Variants in INPP5D observed in about 807,000 individuals in gnomAD.
INPP5D encodes inositol polyphosphate-5-phosphatase D, also known as phosphatidylinositol 3,4,5-trisphosphate 5-phosphatase 1.
In INPP5D, 33 loss-of-function variants were observed where a neutral mutation model predicts 122.9. That is an observed-to-expected ratio of 0.27 (90% confidence interval 0.20 to 0.36). The LOEUF (loss-of-function observed/expected upper bound fraction) is 0.36, where lower values mean the gene tolerates loss of function less well. INPP5D is among the 10% of genes least tolerant of loss of function. INPP5D has a pLI of 1.00. For synonymous variants in INPP5D, 584 were observed against 576.2 expected (o/e 1.01, Z -0.19); for missense variants, 1,053 against 1,412.7 (o/e 0.75, Z 4.08).
At chr2:233,157,229 T>C (rs1332354472) in intron 9 of INPP5D, among the ~76,000 whole-genome samples, 1 of 151,938 alleles carries the variant, frequency 6.6e-6, no homozygotes, top group Admixed American at 6.5e-5. Flanking sequence ...GTCCAAGAAA[T>C]GGGATTTAAT....
chr2:233,124,245 A>G (rs1693085187), intron 3 of INPP5D, among the ~76,000 whole-genome samples: 1 of 152,016 alleles, frequency 6.6e-6, no homozygotes, highest in South Asian at 2.1e-4. Context: ...CTCTCCCCGA[A>G]GAGAGGAGAG....
Position 233,100,275 on chromosome 2 carries a change from A to G in INPP5D, c.198+20877A>G, listed in dbSNP as rs57371118. On this transcript the variant is annotated intron_variant, in intron 2 of 26. Coordinates refer to ENST00000445964, the MANE Select transcript of INPP5D (RefSeq NM_001017915.3). The surrounding 1 kb of genome is among the most constrained non-coding windows in gnomAD (Gnocchi z 5.3). ...CTGCTGTAGGCCACTGAGCTATGAT[A>G]TTCATCAGACGCAACTAATTACCCA... 0.1 allele frequency among the ~76,000 whole-genome samples: 15,605 copies of G among 152,118 alleles called. 1,549 individuals are homozygous for G. The highest frequency in any genetic ancestry group is 0.26 in the African/African-American group (10,746 of 41,444).
chr2:233,095,475 C>T lies in INPP5D; in HGVS notation c.198+16077C>T, dbSNP rs1450949701. 8.7e-4 allele frequency among the ~76,000 whole-genome samples: 133 copies of T among 152,036 alleles called. 3 individuals carry two copies. The highest frequency in any genetic ancestry group is 7.4e-5 in the Non-Finnish European group (5 of 67,966). ...TCTCTACTAAAAATACAAAAATTAG[C>T]TGGAGGGGGTGGTGGTGGGCACCTG... On this transcript the variant is annotated intron_variant, in intron 2 of 26. Transcript: ENST00000445964.
In INPP5D at chr2:233,177,424, T is replaced by A. The variant is rs72972242; in HGVS notation, c.2071+78T>A. 0.031 allele frequency: 50,597 copies of A among 1,608,620 alleles called. 983 individuals carry two copies. The highest frequency in any genetic ancestry group is 0.068 in the African/African-American group (5,108 of 74,824). ...TGGGAGGTGTGACTGCCCTAAAATCTAAGGGCTTCAGTCTGTTGATGTGTC... is the reference window on the plus strand; with the variant it reads ...TGGGAGGTGTGACTGCCCTAAAATCAAAGGGCTTCAGTCTGTTGATGTGTC... On this transcript the variant is annotated intron_variant, in intron 18 of 26. Transcript: ENST00000445964. The surrounding 1 kb of genome is among the most constrained non-coding windows in gnomAD (Gnocchi z 4.2).
chr2:233,193,991 C>T (rs1695118194), intron 23 of INPP5D, 30 bp downstream of exon 23: 8 of 1,550,698 alleles, frequency 5.2e-6, no homozygotes, highest in South Asian at 2.4e-5. Context: ...CCAGCGCCCT[C>T]TTCAGCCCCC....
rs1293919467 is a variant in INPP5D at position 233,146,177 on chromosome 2, A to C, written c.769A>C (p.Asn257His). ...RPRPQVPGEA[N>H]PINMVSKLSQ... Reference sequence around the variant, plus strand: ...CCTCTCCCAGGTTCCTGGTGAGGCCAATCCCATCAACATGGTGTCCAAGCT... The same window carrying C: ...CCTCTCCCAGGTTCCTGGTGAGGCCCATCCCATCAACATGGTGTCCAAGCT... The change falls in exon 7 of 27, where the codon AAT becomes CAT. Residue 257 changes from asparagine (N) to histidine (H), a missense_variant. By Grantham distance (68) the Asn-to-His change is moderately conservative (BLOSUM62 1). Transcript: ENST00000445964. The C allele has an allele frequency of 4.3e-6, 3 of 704,234 alleles. No homozygotes were observed. The highest frequency in any genetic ancestry group is 2.0e-5 in the Admixed American group (1 of 50,012). The allele number at this position is 704,234 out of a possible 1,614,324, so 43.6% of individuals were successfully genotyped here. A position where few individuals can be genotyped will look rare whatever the true frequency, so the allele number is the denominator to read the frequency against.
Position 233,147,595 on chromosome 2 carries a change from G to A in INPP5D, c.1030+1G>A, listed in dbSNP as rs1693800540. Reference sequence around the variant, plus strand: ...GACAAGTTCTACAGCCACAAGAAAAGTAAGACCCCTCGTGCCTATCAACCA... The same window carrying A: ...GACAAGTTCTACAGCCACAAGAAAAATAAGACCCCTCGTGCCTATCAACCA... On this transcript the variant is annotated splice_donor_variant, in intron 9 of 26. Transcript: ENST00000445964. LOFTEE classifies it high-confidence loss of function. 1.4e-6 allele frequency: 1 copy of A among 704,032 alleles called. No individual in the cohort carries two copies. The highest frequency in any genetic ancestry group is 2.6e-6 in the Non-Finnish European group (1 of 384,894). 43.6% of individuals were successfully genotyped at this position (704,032 alleles called of 1,614,324 possible).
intron 1 of INPP5D, among the ~76,000 whole-genome samples, chr2:233,076,019 T>G (rs1428780331): frequency 6.6e-6 from 1 of 152,208 alleles, no homozygotes; most frequent in African/African-American, 2.4e-5. Context: ...AAGGTTTGTC[T>G]GCCACACTTG....
intron 2 of INPP5D, among the ~76,000 whole-genome samples, chr2:233,107,382 CAGGTTTCTCCT>C (rs1692497403): frequency 6.6e-6 from 1 of 152,164 alleles, no homozygotes; most frequent in African/African-American, 2.4e-5. Flanking sequence ...GTAGACCTCC[CAGGTTTCTCCT>C]AGATCTCCCC....
At chr2:233,141,320 A>T (rs1693627321) in intron 6 of INPP5D, 1 of 152,206 alleles carries the variant, frequency 6.6e-6, no homozygotes, top group African/African-American at 2.4e-5. Context: ...TAATCCCAGT[A>T]CTTTGGGAGG....
intron 18 of INPP5D, among the ~76,000 whole-genome samples, chr2:233,181,783 T>C (rs1336557697): frequency 6.6e-6 from 1 of 151,882 alleles, no homozygotes; most frequent in Non-Finnish European, 1.5e-5. Context: ...TCCCACCCAG[T>C]GTTTGGGGCT....
At position 233,122,319 on chromosome 2, in the gene INPP5D, G is replaced by A; in HGVS notation, c.349+62G>A. 4 of 1,549,662 alleles carry A rather than the reference G, an allele frequency of 2.6e-6. No individual in the cohort carries two copies. The Admixed American group carries it at 7.6e-5, about 29-fold the overall frequency. On this transcript the variant is annotated intron_variant, in intron 3 of 26. Transcript: ENST00000445964. ...TGGGAACTTGCCCTGCACCCACCTTGAGTGCTTGTAGACTAGGTGAGTCCT... is the reference window on the plus strand; with the variant it reads ...TGGGAACTTGCCCTGCACCCACCTTAAGTGCTTGTAGACTAGGTGAGTCCT...
chr2:233,180,374 C>A (rs1265918454), intron 18 of INPP5D, among the ~76,000 whole-genome samples: 1 of 151,492 alleles, frequency 6.6e-6, no homozygotes, highest in Admixed American at 6.6e-5. Flanking sequence ...AAAAAAAAAA[C>A]CCTGCTCGTC....
intron 1 of INPP5D, among the ~76,000 whole-genome samples, chr2:233,070,891 C>A (rs1393225163): frequency 1.3e-5 from 2 of 152,138 alleles, no homozygotes; most frequent in African/African-American, 4.8e-5. Flanking sequence ...ACAAATGAAG[C>A]AGTTATGGGT....
At chr2:233,126,182 A>G (rs904155676) in intron 4 of INPP5D, among the ~76,000 whole-genome samples, 4 of 152,258 alleles carry the variant, frequency 2.6e-5, no homozygotes, top group Non-Finnish European at 5.9e-5. Context: ...GGCCCGGCAT[A>G]GTGTGGGCAC....
chr2:233,102,133 T>A (rs1332893591), intron 2 of INPP5D, among the ~76,000 whole-genome samples: 2 of 152,180 alleles, frequency 1.3e-5, no homozygotes, highest in East Asian at 3.8e-4. Flanking sequence ...TACTGTACTC[T>A]AGATCGCACA....
Position 233,098,104 on chromosome 2 carries a change from G to A in INPP5D, c.198+18706G>A, listed in dbSNP as rs1157190087. On this transcript the variant is annotated intron_variant, in intron 2 of 26. Coordinates refer to ENST00000445964, the MANE Select transcript of INPP5D (RefSeq NM_001017915.3). The stretch of plus-strand genomic sequence containing the variant: ...TACAGGGTTTCACCATGTTGGCCAG[G>A]CTGATTTCGAACTCGTGACCTTAAG... Among the ~76,000 whole-genome samples, 3 of 152,054 alleles carry A rather than the reference G, an allele frequency of 2.0e-5. No individual in the cohort carries two copies. In the East Asian group the frequency reaches 5.8e-4, roughly 29 times the overall value.
At chr2:233,110,433 C>T (rs150032586) in intron 2 of INPP5D, among the ~76,000 whole-genome samples, 17 of 152,022 alleles carry the variant, frequency 1.1e-4, no homozygotes, top group Admixed American at 3.3e-4. Flanking sequence ...CTCCTGGGCT[C>T]GAGCGATCTT....
chr2:233,141,056 T>C (rs1001893215), intron 6 of INPP5D: 1 of 152,136 alleles, frequency 6.6e-6, no homozygotes, highest in Non-Finnish European at 1.5e-5. Flanking sequence ...CTCAAGTTGA[T>C]GGTTGAGTCA....
Sources: gnomAD v4.1 joint callset for allele counts (sites outside exome capture counted in the v4.1 genomes callset) on GRCh38, gnomAD v4.1.1 for gene constraint, Gnocchi (gnomAD v3.1) non-coding constraint, MANE v1.5 for transcripts, NCBI Gene and HGNC (gene_info 2026-07-23, HGNC 2026-07-21) for gene names.